Variants in LAMA3 observed in about 807,000 individuals in gnomAD.
The protein encoded by LAMA3 is laminin subunit alpha 3, also known as laminin subunit alpha-3.
Under a neutral mutation model 402.0 loss-of-function variants are expected in LAMA3, and 281 were observed. The observed-to-expected ratio is 0.70, with a 90% confidence interval of 0.63 to 0.77. The LOEUF (loss-of-function observed/expected upper bound fraction) is 0.77, where lower values mean the gene tolerates loss of function less well. Ranked by LOEUF, LAMA3 falls within the 30% of genes least tolerant of loss-of-function variation. The pLI, the probability that LAMA3 is intolerant of heterozygous loss-of-function variation, is 0.00. For missense variants in LAMA3, 3,840 were observed against 4,215.5 expected, an observed-to-expected ratio of 0.91 and a Z score of 2.47; for synonymous variants, 1,431 against 1,558.4, an observed-to-expected ratio of 0.92 and a Z score of 1.93.
intron 11 of LAMA3, among the ~76,000 whole-genome samples, chr18:23,783,355 G>A (rs974778228): frequency 1.3e-5 from 2 of 152,120 alleles, no homozygotes; most frequent in Non-Finnish European, 2.9e-5. Flanking sequence ...AATAAAAGGA[G>A]GAAAGTGGGG....
At chr18:23,816,305 A>T in intron 17 of LAMA3, 83 bp from the exon 18 acceptor site, 1 of 993,632 alleles carries the variant, frequency 1.0e-6, no homozygotes, top group Non-Finnish European at 1.6e-6. Flanking sequence ...TGGGATGGTC[A>T]GTTTTCCTTT....
Position 23,784,015 on chromosome 18 carries a change from T to C in LAMA3, c.1469-8T>C. On this transcript the variant is annotated splice_region_variant and splice_polypyrimidine_tract_variant and intron_variant, in intron 11 of 74. Coordinates refer to ENST00000313654, the MANE Select transcript of LAMA3 (RefSeq NM_198129.4). ...AGACCCCTTCTGAAAGTTTCCTGTCTTCTGCAGGGTGTGACTGTAATCTGG... is the reference window on the plus strand; with the variant it reads ...AGACCCCTTCTGAAAGTTTCCTGTCCTCTGCAGGGTGTGACTGTAATCTGG... 1.2e-6 allele frequency: 2 copies of C among 1,614,164 alleles called. No individual in the cohort carries two copies. Among genetic ancestry groups the C allele is most frequent in the Non-Finnish European group, 1.7e-6 (2 of 1,180,006 alleles).
intron 39 of LAMA3, among the ~76,000 whole-genome samples, chr18:23,878,041 A>G (rs1005302664): frequency 2.6e-5 from 4 of 152,214 alleles, no homozygotes; most frequent in Non-Finnish European, 4.4e-5. Context: ...TGAACCCAGG[A>G]GGCGGAGCTT....
Position 23,907,742 on chromosome 18 carries a change from T to C in LAMA3, c.6836-14T>C. On this transcript the variant is annotated splice_polypyrimidine_tract_variant and intron_variant, in intron 53 of 74. Coordinates refer to ENST00000313654, the MANE Select transcript of LAMA3 (RefSeq NM_198129.4). Reference sequence around the variant, plus strand: ...TTTTAGATACTTATACCTCCCTATCTGTGTGTGCATTAGGTGATATTGATG... The same window carrying C: ...TTTTAGATACTTATACCTCCCTATCCGTGTGTGCATTAGGTGATATTGATG... The C allele has an allele frequency of 6.2e-7, 1 of 1,614,078 alleles. No individual in the cohort carries two copies. Among genetic ancestry groups the C allele is most frequent in the African/African-American group, 1.3e-5 (1 of 75,046 alleles).
intron 12 of LAMA3, among the ~76,000 whole-genome samples, chr18:23,803,988 G>A (rs117656974): frequency 3.3e-5 from 5 of 152,270 alleles, no homozygotes; most frequent in East Asian, 1.9e-4. Flanking sequence ...ATTTGATGAC[G>A]GAATGCTGCT....
intron 41 of LAMA3, among the ~76,000 whole-genome samples, chr18:23,885,865 A>G (rs968070172): frequency 2.3e-4 from 35 of 152,316 alleles, no homozygotes; most frequent in African/African-American, 7.5e-4. Context: ...CATTTTGTCT[A>G]CAGAAAGCCA....
intron 41 of LAMA3, among the ~76,000 whole-genome samples, chr18:23,889,680 G>T (rs1454754137): frequency 1.2e-5 from 1 of 81,588 alleles, no homozygotes; most frequent in African/African-American, 4.3e-5. Flanking sequence ...GAGGGAGGAA[G>T]GAAGGAAGGA....
intron 69 of LAMA3, among the ~76,000 whole-genome samples, chr18:23,944,908 G>T (rs2082652384): frequency 6.6e-6 from 1 of 152,220 alleles, no homozygotes; most frequent in South Asian, 2.1e-4. Flanking sequence ...GCCAAGGCGG[G>T]CTGATCACAA....
At chr18:23,772,239 ACCATATTGGTC>A (rs1405181582) in intron 8 of LAMA3, among the ~76,000 whole-genome samples, 2 of 152,044 alleles carry the variant, frequency 1.3e-5, no homozygotes, top group African/African-American at 4.8e-5. Context: ...ACGGGGTTTC[ACCATATTGGTC>A]AGGCTGGTCT....
intron 6 of LAMA3, among the ~76,000 whole-genome samples, chr18:23,756,329 G>C (rs1406710343): frequency 2.0e-5 from 3 of 151,530 alleles, no homozygotes; most frequent in Non-Finnish European, 4.4e-5. Context: ...TAATAGTCTC[G>C]GGTCTTTATT....
chr18:23,933,155 A>G (rs549371860), intron 66 of LAMA3, among the ~76,000 whole-genome samples: 175 of 152,278 alleles, frequency 1.1e-3, no homozygotes, highest in Non-Finnish European at 2.0e-3. Context: ...TATATTTACC[A>G]TCATTCAGTA....
Position 23,715,665 on chromosome 18 carries a change from A to G in LAMA3, c.447+1593A>G, listed in dbSNP as rs140836427. On this transcript the variant is annotated intron_variant, in intron 2 of 74. Coordinates refer to ENST00000313654, the MANE Select transcript of LAMA3 (RefSeq NM_198129.4). ...GTGTGCAGATGGTAACGTAAACAGC[A>G]GGAAGAAGACTGTAGCTATTATTAG... 9.4e-4 allele frequency among the ~76,000 whole-genome samples: 143 copies of G among 152,362 alleles called. 2 individuals carry two copies. The East Asian group carries it at 0.024, about 26-fold the overall frequency.
At chr18:23,888,483 A>C (rs1008688819) in intron 41 of LAMA3, among the ~76,000 whole-genome samples, 1 of 152,170 alleles carries the variant, frequency 6.6e-6, no homozygotes, top group South Asian at 2.1e-4. Flanking sequence ...GGGATATATC[A>C]GTGAGCAAAA....
chr18:23,802,409 A>T (rs1020531067), intron 12 of LAMA3, among the ~76,000 whole-genome samples: 9 of 152,150 alleles, frequency 5.9e-5, no homozygotes, highest in African/African-American at 2.2e-4. Flanking sequence ...GTCTTGCCTG[A>T]ATTGGGTTGT....
chr18:23,888,364 A>G (rs965514186), intron 41 of LAMA3, among the ~76,000 whole-genome samples: 1 of 152,246 alleles, frequency 6.6e-6, no homozygotes, highest in Non-Finnish European at 1.5e-5. Flanking sequence ...TGCAGATATT[A>G]CGCTAGATTC....
At chr18:23,864,729 T>C in intron 35 of LAMA3, 56 bp from the exon 36 acceptor site, 1 of 1,119,756 alleles carries the variant, frequency 8.9e-7, no homozygotes, top group Non-Finnish European at 1.4e-6. Flanking sequence ...TGCGGGTTGA[T>C]GTTGACATCA....
In LAMA3 at chr18:23,737,207, G is replaced by A. The variant is rs562948911; in HGVS notation, c.448-10736G>A. 3.3e-5 allele frequency among the ~76,000 whole-genome samples: 5 copies of A among 152,234 alleles called. No homozygotes were observed. The East Asian group carries it at 9.7e-4, about 29-fold the overall frequency. On this transcript the variant is annotated intron_variant, in intron 2 of 74. Transcript: ENST00000313654. ...CCTGTTGTACTCCATGTCCCTTCTGGGGTAGGCTGCCATCCCTGCCCTAGT... is the reference window on the plus strand; with the variant it reads ...CCTGTTGTACTCCATGTCCCTTCTGAGGTAGGCTGCCATCCCTGCCCTAGT...
chr18:23,914,324 T>C, intron 56 of LAMA3, 86 bp from the exon 57 acceptor site: 1 of 1,416,934 alleles, frequency 7.1e-7, no homozygotes, highest in Non-Finnish European at 1.0e-6. Flanking sequence ...AACCCATTAG[T>C]TATTTGAAAT....
At position 23,816,432 on chromosome 18, in the gene LAMA3, G is replaced by A; in HGVS notation, c.2092G>A (p.Gly698Arg). 6.2e-7 allele frequency: 1 copy of A among 1,614,052 alleles called. No homozygotes were observed. The highest frequency in any genetic ancestry group is 8.5e-7 in the Non-Finnish European group (1 of 1,180,006). The change falls in exon 18 of 75, where the codon GGG becomes AGG. Residue 698 changes from glycine to arginine, a missense_variant. By Grantham distance (125) the Gly-to-Arg change is moderately radical. Coordinates refer to ENST00000313654, the MANE Select transcript of LAMA3 (RefSeq NM_198129.4). ...IGGALSSMCS[G>R]PSGVCQCREH... ...TGGGGCATTGTCCTCCATGTGCAGT[G>A]GGCCCTCGGGAGTGTGCCAGTGCCG... is the stretch of plus-strand genomic sequence containing the variant.
Sources: gnomAD v4.1 joint callset for allele counts (sites outside exome capture counted in the v4.1 genomes callset) on GRCh38, gnomAD v4.1.1 for gene constraint, MANE v1.5 for transcripts, NCBI Gene and HGNC (gene_info 2026-07-23, HGNC 2026-07-21) for gene names.